Variants in SLMAP observed in about 807,000 individuals in gnomAD.
SLMAP encodes the protein sarcolemmal membrane-associated protein.
Under a neutral mutation model 128.8 loss-of-function variants are expected in SLMAP, and 44 were observed. The ratio of observed to expected loss-of-function variants is 0.34; its 90% CI spans 0.27 to 0.44. The LOEUF is 0.44. Ranked by LOEUF, SLMAP falls within the 20% of genes least tolerant of loss-of-function variation. SLMAP has a pLI of 1.00. For missense variants in SLMAP, 787 were observed against 985.3 expected, an observed-to-expected ratio of 0.80 and a Z score of 2.69; for synonymous variants, 327 against 348.8, an observed-to-expected ratio of 0.94 and a Z score of 0.70.
intron 14 of SLMAP, among the ~76,000 whole-genome samples, chr3:57,885,095 G>A (rs949941814): frequency 6.2e-5 from 9 of 145,948 alleles, no homozygotes; most frequent in African/African-American, 2.2e-4. Flanking sequence ...TTTTTGAAAC[G>A]GAGTTTCGCT....
intron 21 of SLMAP, among the ~76,000 whole-genome samples, chr3:57,913,823 T>A (rs2096751284): frequency 6.6e-6 from 1 of 152,018 alleles, no homozygotes; most frequent in East Asian, 1.9e-4. Flanking sequence ...CCGGGCATAG[T>A]GATGTGTGCT....
intron 2 of SLMAP, among the ~76,000 whole-genome samples, chr3:57,787,315 T>G (rs929177165): frequency 6.6e-6 from 1 of 152,210 alleles, no homozygotes; most frequent in African/African-American, 2.4e-5. Context: ...TTCACATCTC[T>G]TCAATCTACT....
chr3:57,890,996 A>G (rs1045855019), intron 15 of SLMAP: 7 of 152,130 alleles, frequency 4.6e-5, no homozygotes, highest in South Asian at 2.1e-4. Context: ...ATATTTGGGG[A>G]AAAAATGCAT....
intron 4 of SLMAP, among the ~76,000 whole-genome samples, chr3:57,846,363 T>C (rs538093609): frequency 6.6e-6 from 1 of 152,250 alleles, no homozygotes; most frequent in Non-Finnish European, 1.5e-5. Flanking sequence ...ACATCTAAGT[T>C]TTCAGTTAGT....
chr3:57,864,202 G>A (rs1174608795), intron 10 of SLMAP, among the ~76,000 whole-genome samples: 1 of 152,144 alleles, frequency 6.6e-6, no homozygotes, highest in East Asian at 1.9e-4. Context: ...GAGGTCAGGC[G>A]TTCGAGACCA....
At chr3:57,848,441 C>T (rs1210262558) in intron 5 of SLMAP, among the ~76,000 whole-genome samples, 5 of 146,572 alleles carry the variant, frequency 3.4e-5, no homozygotes, top group South Asian at 2.1e-4. Flanking sequence ...TTTTCTTCTT[C>T]GTCCTTCTTC....
chr3:57,799,856 A>G (rs904714511), intron 2 of SLMAP, among the ~76,000 whole-genome samples: 1 of 152,320 alleles, frequency 6.6e-6, no homozygotes, highest in South Asian at 2.1e-4. Context: ...AGTTTCTTAC[A>G]GTTGACCATG....
Position 57,860,849 on chromosome 3 carries a change from T to TA in SLMAP, c.828+10_828+11insA, listed in dbSNP as rs766631211. 3,142 of 1,459,518 alleles carry TA rather than the reference T, an allele frequency of 2.2e-3. No homozygotes were observed. Among genetic ancestry groups the TA allele is most frequent in the East Asian group, 7.2e-3 (269 of 37,232 alleles). 90.4% of individuals were successfully genotyped at this position (1,459,518 alleles called of 1,614,324 possible). A position where few individuals can be genotyped will look rare whatever the true frequency, so the allele number is the denominator to read the frequency against. Reference sequence around the variant, plus strand: ...ACTTTCAGAAGTTGAGGTATTTCAATCAAAAAAAAAATACTAAATAGTATT... The same window carrying TA: ...ACTTTCAGAAGTTGAGGTATTTCAATACAAAAAAAAAATACTAAATAGTATT... On this transcript the variant is annotated intron_variant, in intron 9 of 24. Transcript: ENST00000671191.
chr3:57,814,008 G>A (rs979769133), intron 2 of SLMAP, among the ~76,000 whole-genome samples: 11 of 151,190 alleles, frequency 7.3e-5, no homozygotes, highest in African/African-American at 2.7e-4. Flanking sequence ...AGGTATAATG[G>A]GAAGGCCCTT....
chr3:57,818,078 A>G lies in SLMAP; in HGVS notation c.199-13305A>G, dbSNP rs566503552. 7.5e-4 allele frequency among the ~76,000 whole-genome samples: 114 copies of G among 152,308 alleles called. 1 individual carries two copies. In the South Asian group the frequency reaches 9.3e-3, roughly 12 times the overall value. The stretch of plus-strand genomic sequence containing the variant: ...ATTAAGTAGTATAGCAGAATGGTTG[A>G]GATCTAAAGTTTACTAGCTTAGGAG... On this transcript the variant is annotated intron_variant, in intron 2 of 24. Coordinates refer to ENST00000671191, the MANE Select transcript of SLMAP (RefSeq NM_001377540.1).
At chr3:57,799,188 A>AT (rs1334826099) in intron 2 of SLMAP, among the ~76,000 whole-genome samples, 1 of 152,196 alleles carries the variant, frequency 6.6e-6, no homozygotes, top group East Asian at 1.9e-4. Flanking sequence ...AGGGATACTT[A>AT]TAACAGATGT....
At position 57,858,073 on chromosome 3, in the gene SLMAP, A is replaced by G. The variant is rs2094878626; in HGVS notation, c.616-15A>G. On this transcript the variant is annotated splice_polypyrimidine_tract_variant and intron_variant, in intron 7 of 24. Coordinates refer to ENST00000671191, the MANE Select transcript of SLMAP (RefSeq NM_001377540.1). Reference sequence around the variant, plus strand: ...ATTACTCGGGTTTTACTTACATTTAATTTTTCTTCAATAGGCTTTAATAGA... The same window carrying G: ...ATTACTCGGGTTTTACTTACATTTAGTTTTTCTTCAATAGGCTTTAATAGA... 6.7e-7 allele frequency: 1 copy of G among 1,498,788 alleles called. No homozygotes were observed. Among genetic ancestry groups the G allele is most frequent in the South Asian group, 1.1e-5 (1 of 87,670 alleles). The allele number at this position is 1,498,788 out of a possible 1,614,324, so 92.8% of individuals were successfully genotyped here.
At chr3:57,808,688 A>G (rs1484612010) in intron 2 of SLMAP, among the ~76,000 whole-genome samples, 1 of 152,180 alleles carries the variant, frequency 6.6e-6, no homozygotes, top group African/African-American at 2.4e-5. Flanking sequence ...TATGTGGTCA[A>G]TTTTAGAATA....
At chr3:57,841,429 GTAA>G in intron 4 of SLMAP, 58 bp downstream of exon 4, 1 of 973,476 alleles carries the variant, frequency 1.0e-6, no homozygotes, top group Non-Finnish European at 1.6e-6. Flanking sequence ...AAAGAATTTA[GTAA>G]TAATATTCTA....
intron 2 of SLMAP, among the ~76,000 whole-genome samples, chr3:57,758,362 A>G (rs956997112): frequency 6.6e-6 from 1 of 152,256 alleles, no homozygotes; most frequent in African/African-American, 2.4e-5. Context: ...AAGGTTTGAT[A>G]CATACTTGCC....
rs561545172 is a variant in SLMAP at position 57,769,428 on chromosome 3, C to T, written c.198+11579C>T. 5.4e-4 allele frequency among the ~76,000 whole-genome samples: 82 copies of T among 152,028 alleles called. No individual in the cohort carries two copies. In the Middle Eastern group the frequency reaches 0.031, roughly 57 times the overall value. ...CAGGATGGTCTCGATCTCCTGACCT[C>T]GTGATCCGCCCGCCTTGGCCTCCCA... is the stretch of plus-strand genomic sequence containing the variant. On this transcript the variant is annotated intron_variant, in intron 2 of 24. Coordinates refer to ENST00000671191, the MANE Select transcript of SLMAP (RefSeq NM_001377540.1).
chr3:57,869,237 C>A (rs997339381), intron 13 of SLMAP, among the ~76,000 whole-genome samples: 1 of 150,560 alleles, frequency 6.6e-6, no homozygotes, highest in African/African-American at 2.4e-5. Context: ...GGAGGCTAGG[C>A]CAGTCTCTCT....
At chr3:57,903,635 A>G (rs1417814024) in intron 17 of SLMAP, among the ~76,000 whole-genome samples, 1 of 152,210 alleles carries the variant, frequency 6.6e-6, no homozygotes, top group African/African-American at 2.4e-5. Flanking sequence ...CAGTTCATTT[A>G]TAGTGTGAAT....
At chr3:57,839,282 A>G (rs1282244492) in intron 3 of SLMAP, among the ~76,000 whole-genome samples, 2 of 151,954 alleles carry the variant, frequency 1.3e-5, no homozygotes, top group East Asian at 1.9e-4. Flanking sequence ...TATATAATCA[A>G]TTAGTAATGA....
Sources: gnomAD v4.1 joint callset for allele counts (sites outside exome capture counted in the v4.1 genomes callset) on GRCh38, gnomAD v4.1.1 for gene constraint, MANE v1.5 for transcripts, NCBI Gene and HGNC (gene_info 2026-07-23, HGNC 2026-07-21) for gene names.